Variants in LZTFL1 observed in about 807,000 individuals in gnomAD.
The protein encoded by LZTFL1 is leucine zipper transcription factor like 1.
Under a neutral mutation model 45.9 loss-of-function variants are expected in LZTFL1, and 25 were observed. The observed-to-expected ratio is 0.54, with a 90% CI of 0.40 to 0.76. The LOEUF is 0.76. Among genes scored for constraint, LZTFL1 ranks in the 30% least tolerant of loss-of-function variants. The probability of loss-of-function intolerance (pLI) is 0.00; values close to 1 mark genes in which losing one functional copy is unlikely to be tolerated. For synonymous variants in LZTFL1, 93 were observed against 117.4 expected, an observed-to-expected ratio of 0.79 and a Z score of 1.35; for missense variants, 277 against 331.1, an observed-to-expected ratio of 0.84 and a Z score of 1.27.
chr3:45,872,824 G>C (rs992941076), intron 2 of LZTFL1, among the ~76,000 whole-genome samples: 3 of 152,194 alleles, frequency 2.0e-5, no homozygotes, highest in African/African-American at 4.8e-5. Flanking sequence ...GAGGAATTGA[G>C]AAATGCTTTT....
intron 2 of LZTFL1, among the ~76,000 whole-genome samples, chr3:45,860,343 T>C (rs1255395764): frequency 2.0e-5 from 3 of 151,970 alleles, no homozygotes; most frequent in Admixed American, 1.3e-4. Flanking sequence ...CATATAGGCA[T>C]GTGCAAGAAT....
In LZTFL1 at chr3:45,901,869, G is replaced by A. The variant is rs773670185; in HGVS notation, c.-215+11251C>T. 4.4e-6 allele frequency: 7 copies of A among 1,607,706 alleles called. No individual in the cohort carries two copies. The highest frequency in any genetic ancestry group is 2.6e-6 in the Non-Finnish European group (3 of 1,175,080). ...CTTGAAGCTGTCGTCTATGTTGCTG[G>A]AGACAACCTCAGGAGCACTCTCCCT... On this transcript the variant is annotated intron_variant, in intron 2 of 4. Coordinates refer to the LZTFL1 transcript ENST00000472635. The surrounding 1 kb of genome is among the most constrained non-coding windows in gnomAD (Gnocchi z 4.3).
chr3:45,856,040 GA>G (rs1701387616), intron 3 of LZTFL1, among the ~76,000 whole-genome samples: 3 of 151,932 alleles, frequency 2.0e-5, no homozygotes, highest in South Asian at 2.1e-4. Flanking sequence ...CACAGAATTA[GA>G]AAAAAAATTT....
chr3:45,845,220 G>A (rs182129332), upstream of LZTFL1, among the ~76,000 whole-genome samples: 114 of 152,240 alleles, frequency 7.5e-4, no homozygotes, highest in Middle Eastern at 6.8e-3. Context: ...CTGGATACTC[G>A]CAAGACACAA....
chr3:45,865,421 C>CA (rs1701562715), intron 2 of LZTFL1, among the ~76,000 whole-genome samples: 1 of 152,242 alleles, frequency 6.6e-6, no homozygotes, highest in African/African-American at 2.4e-5. Context: ...ACAGAGCTCA[C>CA]AAAATCTCAC....
intron 2 of LZTFL1, among the ~76,000 whole-genome samples, chr3:45,895,586 C>T (rs888507955): frequency 6.6e-6 from 1 of 152,080 alleles, no homozygotes; most frequent in Non-Finnish European, 1.5e-5. Context: ...TGGTGGCATG[C>T]GCATGTAATC....
At chr3:45,909,758 T>C (rs1271975686) in intron 2 of LZTFL1, among the ~76,000 whole-genome samples, 1 of 152,232 alleles carries the variant, frequency 6.6e-6, no homozygotes, top group Non-Finnish European at 1.5e-5. Context: ...TGGGTGGCAC[T>C]TTCTCAGGGG....
Position 45,890,952 on chromosome 3 carries a change from C to T in LZTFL1, c.-215+22168G>A, listed in dbSNP as rs1303194554. 4.6e-5 allele frequency among the ~76,000 whole-genome samples: 7 copies of T among 152,062 alleles called. 1 individual carries two copies. Among genetic ancestry groups the T allele is most frequent in the Admixed American group, 6.5e-5 (1 of 15,270 alleles). The stretch of plus-strand genomic sequence containing the variant: ...AAAGAAAATAAAAGTTCAAAGTGTA[C>T]GAATGCATAGAAACACGGCTGGGAG... On this transcript the variant is annotated intron_variant, in intron 2 of 4. Transcript: ENST00000472635.
At chr3:45,899,771 G>A (rs1450478491) in intron 2 of LZTFL1, among the ~76,000 whole-genome samples, 3 of 152,132 alleles carry the variant, frequency 2.0e-5, no homozygotes, top group Non-Finnish European at 4.4e-5. Flanking sequence ...TCCTCCATCA[G>A]CAGTCCACAT....
upstream of LZTFL1, among the ~76,000 whole-genome samples, chr3:45,845,102 T>C (rs1162032828): frequency 6.6e-6 from 1 of 152,134 alleles, no homozygotes; most frequent in African/African-American, 2.4e-5. Flanking sequence ...AAATTGATTG[T>C]AAAGATGATG....
chr3:45,855,612 C>T (rs796545206), intron 3 of LZTFL1, among the ~76,000 whole-genome samples: 29 of 152,282 alleles, frequency 1.9e-4, no homozygotes, highest in African/African-American at 6.5e-4. Flanking sequence ...GGAAGTCAAA[C>T]TGTCTCTGTT....
At chr3:45,870,780 C>T (rs1240602107) in intron 2 of LZTFL1, among the ~76,000 whole-genome samples, 3 of 152,174 alleles carry the variant, frequency 2.0e-5, no homozygotes, top group Non-Finnish European at 4.4e-5. Context: ...ACAAACGAAA[C>T]GTCTCCTTCA....
chr3:45,846,808 G>A (rs2125699075), upstream of LZTFL1, among the ~76,000 whole-genome samples: 1 of 152,042 alleles, frequency 6.6e-6, no homozygotes, highest in Non-Finnish European at 1.5e-5. Context: ...AGGGGAGTCA[G>A]GAGAGAAAGG....
chr3:45,894,960 T>A (rs1219486966), intron 2 of LZTFL1: 1 of 1,613,600 alleles, frequency 6.2e-7, no homozygotes, highest in Non-Finnish European at 8.5e-7. Flanking sequence ...TCACAGTGAG[T>A]ACAGCCGTGC....
intron 2 of LZTFL1, among the ~76,000 whole-genome samples, chr3:45,865,109 T>C (rs1451653895): frequency 6.6e-6 from 1 of 152,210 alleles, no homozygotes; most frequent in East Asian, 1.9e-4. Flanking sequence ...AGGGTGATCA[T>C]GCCTGTGCTG....
chr3:45,881,158 A>G (rs1701851648), intron 2 of LZTFL1, among the ~76,000 whole-genome samples: 1 of 152,228 alleles, frequency 6.6e-6, no homozygotes, highest in Admixed American at 6.5e-5. Flanking sequence ...TTTCCCTTAT[A>G]AACAGCTTGT....
At chr3:45,839,627 C>T (rs1575261402) in intron 1 of LZTFL1, among the ~76,000 whole-genome samples, 2 of 152,164 alleles carry the variant, frequency 1.3e-5, no homozygotes, top group African/African-American at 4.8e-5. Context: ...CTGAATCCTA[C>T]CCAGTGGTAT....
In LZTFL1 at chr3:45,825,475, C is replaced by T. The variant is rs1700640285; in HGVS notation, c.*839G>A. 1 of 152,124 alleles carries T rather than the reference C, an allele frequency of 6.6e-6. No homozygotes were observed. Among genetic ancestry groups the T allele is most frequent in the Non-Finnish European group, 1.5e-5 (1 of 67,994 alleles). The allele number at this position is 152,124 out of a possible 1,614,324, so 9.4% of individuals were successfully genotyped here. The stretch of plus-strand genomic sequence containing the variant: ...TAAAGTCTAATCTGAAGTCTGATAG[C>T]TGATTTTATGTTGAATATACGTCTT... On this transcript the variant is annotated 3_prime_UTR_variant, in exon 10 of 10. Coordinates refer to ENST00000296135, the MANE Select transcript of LZTFL1 (RefSeq NM_020347.4).
chr3:45,851,753 C>T (rs1030253642), intron 4 of LZTFL1, among the ~76,000 whole-genome samples: 1 of 151,712 alleles, frequency 6.6e-6, no homozygotes, highest in Non-Finnish European at 1.5e-5. Flanking sequence ...GAGGCTGACG[C>T]GGGAGGATGG....
Sources: allele counts gnomAD v4.1 joint callset (sites outside exome capture counted in the v4.1 genomes callset), GRCh38; gene constraint gnomAD v4.1.1; non-coding constraint Gnocchi (gnomAD v3.1); transcripts MANE v1.5; gene names NCBI Gene and HGNC (gene_info 2026-07-23, HGNC 2026-07-21).